UBE2R2: variants seen among roughly 807,000 people sequenced by gnomAD.
The protein encoded by UBE2R2 is ubiquitin-conjugating enzyme E2 R2.
A neutral mutation model predicts 27.8 loss-of-function variants in UBE2R2; 1 was observed. The ratio of observed to expected loss-of-function variants is 0.04; its 90% CI spans 0.01 to 0.17. UBE2R2 has a LOEUF of 0.17. Ranked by LOEUF, UBE2R2 falls within the 10% of genes least tolerant of loss-of-function variation. The probability of loss-of-function intolerance (pLI) is 1.00; values close to 1 mark genes in which losing one functional copy is unlikely to be tolerated. For missense variants in UBE2R2, 100 were observed against 291.0 expected (o/e 0.34, Z 4.78); for synonymous variants, 106 against 113.3 (o/e 0.94, Z 0.41).
intron 2 of UBE2R2, among the ~76,000 whole-genome samples, chr9:33,893,356 T>C (rs1453117266): frequency 6.6e-6 from 1 of 152,190 alleles, no homozygotes; most frequent in Non-Finnish European, 1.5e-5. Context: ...CTCAGCACAA[T>C]ATTTTGGAGA....
chr9:33,849,690 TAAAAAA>T (rs71506141), intron 1 of UBE2R2, among the ~76,000 whole-genome samples: 3 of 139,436 alleles, frequency 2.2e-5, no homozygotes, highest in Non-Finnish European at 4.6e-5. Context: ...CATCTCTACT[TAAAAAA>T]AAAAAAAAAA....
At chr9:33,893,222 C>T (rs946458498) in intron 2 of UBE2R2, among the ~76,000 whole-genome samples, 2 of 152,136 alleles carry the variant, frequency 1.3e-5, no homozygotes, top group Admixed American at 6.6e-5. Context: ...AATTTCTCTC[C>T]GTTCCCATGT....
At position 33,853,047 on chromosome 9, in the gene UBE2R2, G is replaced by GA. The variant is rs1350715294; in HGVS notation, c.178-33826dup. On this transcript the variant is annotated intron_variant, in intron 1 of 4. Coordinates refer to ENST00000263228, the MANE Select transcript of UBE2R2 (RefSeq NM_017811.4). ...AAATTGTAATTAATTTTTAACAAAG[G>GA]AAAAAAAAGCAGTTAAGATGGAAGG... Among the ~76,000 whole-genome samples, 13 of 151,390 alleles carry GA rather than the reference G, an allele frequency of 8.6e-5. No homozygotes were observed. In the East Asian group the frequency reaches 1.9e-3, roughly 23 times the overall value.
chr9:33,833,179 C>T (rs1285913886), intron 1 of UBE2R2, among the ~76,000 whole-genome samples: 1 of 152,176 alleles, frequency 6.6e-6, no homozygotes, highest in Non-Finnish European at 1.5e-5. Context: ...ATTCTCCTGC[C>T]TCAGCCTCCC....
chr9:33,840,622 A>T (rs987196316), intron 1 of UBE2R2, among the ~76,000 whole-genome samples: 1 of 152,136 alleles, frequency 6.6e-6, no homozygotes, highest in Non-Finnish European at 1.5e-5. Flanking sequence ...GGGGAGGCAG[A>T]AGTCTGGTTT....
rs1188260976 is a variant in UBE2R2, at chr9:33,917,485, T to C, written c.*248T>C. 1 of 574,328 alleles carries C rather than the reference T, an allele frequency of 1.7e-6. No individual in the cohort carries two copies. Among genetic ancestry groups the C allele is most frequent in the Non-Finnish European group, 3.0e-6 (1 of 338,634 alleles). The allele number at this position is 574,328 out of a possible 1,614,324, so 35.6% of individuals were successfully genotyped here. Reference sequence around the variant, plus strand: ...TTTACCCTTCCATCACTATATTGATTCTTTTTTTAAAAAATATGAACCCAA... The same window carrying C: ...TTTACCCTTCCATCACTATATTGATCCTTTTTTTAAAAAATATGAACCCAA... On this transcript the variant is annotated 3_prime_UTR_variant, in exon 5 of 5. Transcript: ENST00000263228.
chr9:33,853,437 C>T (rs1256487081), intron 1 of UBE2R2, among the ~76,000 whole-genome samples: 1 of 151,892 alleles, frequency 6.6e-6, no homozygotes, highest in Non-Finnish European at 1.5e-5. Context: ...TGGCATGCAC[C>T]ACCATGCCCG....
rs1009358832 is a variant in UBE2R2 at position 33,817,487 on chromosome 9, C to T, written c.-271C>T. On this transcript the variant is annotated 5_prime_UTR_variant, in exon 1 of 5. Transcript: ENST00000263228. ...GGGGGGGAGGCCCGGGACCGGGACC[C>T]GTAGCGAATTCTCCTAACTCCCTCG... 5.7e-6 allele frequency: 1 copy of T among 175,030 alleles called. No homozygotes were observed. The highest frequency in any genetic ancestry group is 1.2e-5 in the Non-Finnish European group (1 of 85,534). 10.8% of individuals were successfully genotyped at this position (175,030 alleles called of 1,614,324 possible). A position where few individuals can be genotyped will look rare whatever the true frequency, so the allele number is the denominator to read the frequency against.
Position 33,868,095 on chromosome 9 carries a change from A to G in UBE2R2, c.178-18786A>G, listed in dbSNP as rs143480812. On this transcript the variant is annotated intron_variant, in intron 1 of 4. Coordinates refer to ENST00000263228, the MANE Select transcript of UBE2R2 (RefSeq NM_017811.4). ...CTCTCAGCGGAAAGGGAGGCTGGAA[A>G]GGGGATGGGAAGGTGATCTTTCCCT... 9.9e-5 allele frequency among the ~76,000 whole-genome samples: 15 copies of G among 152,242 alleles called. No individual in the cohort carries two copies. The East Asian group carries it at 2.7e-3, about 27-fold the overall frequency.
chr9:33,820,757 A>G (rs1306520380), intron 1 of UBE2R2, among the ~76,000 whole-genome samples: 1 of 152,114 alleles, frequency 6.6e-6, no homozygotes, highest in Non-Finnish European at 1.5e-5. Context: ...CATTCTTTAC[A>G]TTTTTCATAC....
At chr9:33,882,317 C>T (rs1239361430) in intron 1 of UBE2R2, among the ~76,000 whole-genome samples, 2 of 152,100 alleles carry the variant, frequency 1.3e-5, no homozygotes, top group South Asian at 2.1e-4. Context: ...GATGGAGTCT[C>T]ATTCTGTCGC....
At chr9:33,849,484 G>T (rs919531604) in intron 1 of UBE2R2, among the ~76,000 whole-genome samples, 2 of 152,080 alleles carry the variant, frequency 1.3e-5, no homozygotes, top group Admixed American at 6.6e-5. Context: ...GTGACCCTGT[G>T]TAAGTTTCTT....
At chr9:33,871,973 A>G (rs1197340122) in intron 1 of UBE2R2, among the ~76,000 whole-genome samples, 1 of 151,964 alleles carries the variant, frequency 6.6e-6, no homozygotes, top group Non-Finnish European at 1.5e-5. Context: ...CAGCCTCCCA[A>G]AGTGCTGGCA....
At chr9:33,903,217 G>A (rs1039747196) in intron 3 of UBE2R2, among the ~76,000 whole-genome samples, 2 of 152,142 alleles carry the variant, frequency 1.3e-5, no homozygotes, top group African/African-American at 2.4e-5. Flanking sequence ...TAGACAATGT[G>A]TATAAAAGTT....
rs1821153795 is a variant in UBE2R2 at position 33,858,380 on chromosome 9, CT to C, written c.178-28498del. Among the ~76,000 whole-genome samples, 3 of 152,094 alleles carry C rather than the reference CT, an allele frequency of 2.0e-5. No homozygotes were observed. The South Asian group carries it at 6.2e-4, about 32-fold the overall frequency. The stretch of plus-strand genomic sequence containing the variant: ...AGTGTATTTTGTTAAGCACTTGGTT[CT>C]TTGAATATTTGTAATCTATAATAGA... On this transcript the variant is annotated intron_variant, in intron 1 of 4. Coordinates refer to ENST00000263228, the MANE Select transcript of UBE2R2 (RefSeq NM_017811.4).
intron 1 of UBE2R2, among the ~76,000 whole-genome samples, chr9:33,872,557 C>T (rs977617218): frequency 5.3e-5 from 8 of 152,176 alleles, no homozygotes; most frequent in African/African-American, 1.2e-4. Context: ...GAGGCCAAGG[C>T]GGGCAAATCA....
chr9:33,859,799 T>TGTGAGA (rs766779268), intron 1 of UBE2R2, among the ~76,000 whole-genome samples: 260 of 86,566 alleles, frequency 3.0e-3, no homozygotes, highest in East Asian at 8.8e-3. Flanking sequence ...TGTGTGTGTG[T>TGTGAGA]GAGAGAGAGA....
intron 1 of UBE2R2, among the ~76,000 whole-genome samples, chr9:33,856,484 C>G (rs1168182935): frequency 6.6e-6 from 1 of 152,058 alleles, no homozygotes. Flanking sequence ...AAATTTTTAG[C>G]ATTTTCTATT....
intron 3 of UBE2R2, among the ~76,000 whole-genome samples, chr9:33,909,861 C>T (rs1221259732): frequency 6.6e-6 from 1 of 152,130 alleles, no homozygotes; most frequent in East Asian, 1.9e-4. Context: ...TTGAAAATGC[C>T]TTTGTCATAA....
Sources: gnomAD v4.1 joint callset for allele counts (sites outside exome capture counted in the v4.1 genomes callset) on GRCh38, gnomAD v4.1.1 for gene constraint, MANE v1.5 for transcripts, NCBI Gene and HGNC (gene_info 2026-07-23, HGNC 2026-07-21) for gene names.